The following RNF157 variants were observed in gnomAD, a reference collection of about 807,000 sequenced individuals.
RNF157 encodes ring finger protein 157.
RNF157 carries 55 observed loss-of-function variants against 88.3 expected under a neutral mutation model. That is an observed-to-expected ratio of 0.62 (90% confidence interval 0.50 to 0.78). The LOEUF is 0.78. RNF157 is among the 30% of genes least tolerant of loss of function. RNF157 has a pLI of 0.00. For missense variants in RNF157, 788 were observed against 860.8 expected, an observed-to-expected ratio of 0.92 and a Z score of 1.06; for synonymous variants, 334 against 341.2, an observed-to-expected ratio of 0.98 and a Z score of 0.23.
At position 76,145,198 on chromosome 17, in the gene RNF157, C is replaced by T. The variant is rs1481835212; in HGVS notation, c.*37G>A. On this transcript the variant is annotated 3_prime_UTR_variant, in exon 19 of 19. Coordinates refer to ENST00000269391, the MANE Select transcript of RNF157 (RefSeq NM_052916.3). The stretch of plus-strand genomic sequence containing the variant: ...CAGCTGAGTGAGGATGGATGGAATG[C>T]AGGGCAGGAGGGGAGCCCAAGTGCA... 4 of 1,367,228 alleles carry T rather than the reference C, an allele frequency of 2.9e-6. No individual in the cohort carries two copies. The highest frequency in any genetic ancestry group is 4.1e-6 in the Non-Finnish European group (4 of 965,694). The allele number at this position is 1,367,228 out of a possible 1,614,324, so 84.7% of individuals were successfully genotyped here.
At chr17:76,155,829 T>C in intron 14 of RNF157, 95 bp from the exon 15 acceptor site, 1 of 1,146,754 alleles carries the variant, frequency 8.7e-7, no homozygotes, top group Non-Finnish European at 1.2e-6. Context: ...CATTCAGGCA[T>C]TGAGGAGTGA....
At chr17:76,168,988 C>T (rs562489824) in intron 3 of RNF157, among the ~76,000 whole-genome samples, 5 of 152,332 alleles carry the variant, frequency 3.3e-5, no homozygotes, top group East Asian at 3.9e-4. Context: ...AGCTTACAGA[C>T]GGTCCTCTTT....
At chr17:76,222,574 A>G (rs2070004674) in intron 1 of RNF157, among the ~76,000 whole-genome samples, 1 of 152,206 alleles carries the variant, frequency 6.6e-6, no homozygotes, top group Non-Finnish European at 1.5e-5. Context: ...AAGATACAGA[A>G]CTTTACCAAA....
intron 1 of RNF157, among the ~76,000 whole-genome samples, chr17:76,221,096 G>A (rs751197127): frequency 6.6e-6 from 1 of 151,984 alleles, no homozygotes; most frequent in Non-Finnish European, 1.5e-5. Context: ...ACTCCAGCCT[G>A]GGCAACAGAG....
intron 6 of RNF157, 93 bp downstream of exon 6, chr17:76,166,368 A>G (rs1434132591): frequency 3.0e-6 from 3 of 1,016,356 alleles, no homozygotes; most frequent in African/African-American, 1.6e-5. Flanking sequence ...ACACCCACAA[A>G]GAAGGCATGT....
chr17:76,149,898 G>C (rs1020232885), intron 18 of RNF157, among the ~76,000 whole-genome samples: 4 of 152,062 alleles, frequency 2.6e-5, no homozygotes, highest in African/African-American at 9.7e-5. Context: ...GCCGGGCGTG[G>C]TGGCGGGCGC....
chr17:76,203,748 G>C (rs2069628045), intron 2 of RNF157, among the ~76,000 whole-genome samples: 1 of 144,808 alleles, frequency 6.9e-6, no homozygotes, highest in South Asian at 2.2e-4. Flanking sequence ...CACCACGCCT[G>C]GCCTGTAAAA....
At chr17:76,210,562 C>G (rs1457085832) in intron 2 of RNF157, among the ~76,000 whole-genome samples, 2 of 113,734 alleles carry the variant, frequency 1.8e-5, no homozygotes, top group Non-Finnish European at 3.3e-5. Flanking sequence ...TGTACTCCAG[C>G]CTGGGCGACA....
chr17:76,226,579 C>G, intron 1 of RNF157: 15 of 1,613,658 alleles, frequency 9.3e-6, no homozygotes, highest in Non-Finnish European at 1.3e-5. Context: ...AGAAGGCATC[C>G]TCCTTGCTGT....
intron 13 of RNF157, 73 bp downstream of exon 13, chr17:76,158,320 C>T: frequency 2.0e-6 from 2 of 983,808 alleles, no homozygotes; most frequent in Non-Finnish European, 1.6e-6. Flanking sequence ...GCAGAGGGAC[C>T]TGATGAGGCA....
At chr17:76,171,586 G>A (rs771669288) in intron 3 of RNF157, among the ~76,000 whole-genome samples, 3 of 152,226 alleles carry the variant, frequency 2.0e-5, no homozygotes, top group Middle Eastern at 6.8e-3. Flanking sequence ...CTGGAAATCC[G>A]AGAATCAGAA....
chr17:76,147,806 C>A (rs1464979555), intron 18 of RNF157, among the ~76,000 whole-genome samples: 1 of 152,022 alleles, frequency 6.6e-6, no homozygotes, highest in Non-Finnish European at 1.5e-5. Context: ...CCAGGCCCCT[C>A]CAGCCAAAAA....
At chr17:76,186,251 A>AC (rs768846101) in intron 2 of RNF157, among the ~76,000 whole-genome samples, 3 of 152,204 alleles carry the variant, frequency 2.0e-5, no homozygotes, top group South Asian at 4.1e-4. Flanking sequence ...CATGCCTGTA[A>AC]TCCCAGCACT....
At chr17:76,207,057 C>A (rs1276617357) in intron 2 of RNF157, among the ~76,000 whole-genome samples, 1 of 152,126 alleles carries the variant, frequency 6.6e-6, no homozygotes, top group African/African-American at 2.4e-5. Context: ...AACTTTCTTC[C>A]ACCATCTTTC....
intron 2 of RNF157, among the ~76,000 whole-genome samples, chr17:76,191,209 C>T (rs940327595): frequency 4.6e-5 from 7 of 152,048 alleles, no homozygotes; most frequent in Non-Finnish European, 8.8e-5. Flanking sequence ...GGTGTGGTGG[C>T]TTATGCCTAT....
chr17:76,188,404 T>C, intron 2 of RNF157, among the ~76,000 whole-genome samples: 1 of 152,216 alleles, frequency 6.6e-6, no homozygotes, highest in South Asian at 2.1e-4. Context: ...TTCCTCTTTT[T>C]ACTGATTTTC....
intron 2 of RNF157, among the ~76,000 whole-genome samples, chr17:76,210,393 A>G (rs375474263): frequency 1.5e-4 from 23 of 151,892 alleles, no homozygotes; most frequent in Admixed American, 3.3e-4. Flanking sequence ...GATCGAGACC[A>G]TCCTGGCTAA....
intron 18 of RNF157, among the ~76,000 whole-genome samples, chr17:76,148,303 G>A (rs535565574): frequency 9.4e-4 from 114 of 120,674 alleles, no homozygotes; most frequent in African/African-American, 3.5e-3. Flanking sequence ...CTCTTGCTCT[G>A]TCGCCCAGGC....
chr17:76,232,257 A>G (rs1219224401), intron 1 of RNF157, among the ~76,000 whole-genome samples: 15 of 152,052 alleles, frequency 9.9e-5, no homozygotes, highest in Admixed American at 9.8e-4. Context: ...GAGTGGTGGC[A>G]TGTGCCTGTA....
Sources: gnomAD v4.1 joint callset for allele counts (sites outside exome capture counted in the v4.1 genomes callset) on GRCh38, gnomAD v4.1.1 for gene constraint, MANE v1.5 for transcripts, NCBI Gene and HGNC (gene_info 2026-07-23, HGNC 2026-07-21) for gene names.